Variants in CRHR1 observed in about 807,000 individuals in gnomAD.
The protein encoded by CRHR1 is corticotropin-releasing hormone receptor 1.
CRHR1 carries 28 observed loss-of-function variants against 56.0 expected under a neutral mutation model. That is an observed-to-expected ratio of 0.50 (90% CI 0.37 to 0.69). The LOEUF (loss-of-function observed/expected upper bound fraction) is 0.69, where lower values mean the gene tolerates loss of function less well. Among genes scored for constraint, CRHR1 ranks in the 30% least tolerant of loss-of-function variants. CRHR1 has a pLI of 0.00. For missense variants in CRHR1, 376 were observed against 548.0 expected (o/e 0.69, Z 3.13); for synonymous variants, 195 against 216.5 (o/e 0.90, Z 0.87).
In CRHR1 at chr17:45,797,307, T is replaced by TTTTTTTTTTTTTTC. The variant is rs1568034430; in HGVS notation, c.34-9702_34-9701insTTTTTTTTTTTTCT. On this transcript the variant is annotated intron_variant, in intron 1 of 12. Coordinates refer to ENST00000314537, the MANE Select transcript of CRHR1 (RefSeq NM_004382.5). ...TCTTTTTTTTTTTTTTTTTTTTTTT[T>TTTTTTTTTTTTTTC]TGAGACGGAGTCTCGCTGTGTCACC... Among the ~76,000 whole-genome samples, 66 of 137,218 alleles carry TTTTTTTTTTTTTTC rather than the reference T, an allele frequency of 4.8e-4. 13 individuals carry two copies. Among genetic ancestry groups the TTTTTTTTTTTTTTC allele is most frequent in the Non-Finnish European group, 8.3e-4 (52 of 62,648 alleles). The allele number at this position is 137,218 out of a possible 152,430, so 90.0% of individuals were successfully genotyped here. A position where few individuals can be genotyped will look rare whatever the true frequency, so the allele number is the denominator to read the frequency against.
At chr17:45,802,814 G>A (rs1428776232) in intron 1 of CRHR1, among the ~76,000 whole-genome samples, 2 of 152,210 alleles carry the variant, frequency 1.3e-5, no homozygotes, top group Non-Finnish European at 2.9e-5. Flanking sequence ...ATTTTCTGAC[G>A]AATCAAGATT....
rs1317529549 is a variant in CRHR1 at position 45,833,776 on chromosome 17, T to A, written c.992T>A (p.Phe331Tyr). The change falls in exon 11 of 13, where the codon TTC (phenylalanine) becomes TAC (tyrosine). Residue 331 changes from phenylalanine to tyrosine, a missense_variant. This residue lies in a region of CRHR1 where 369 missense variants were observed against 519.5 expected (regional missense o/e 0.71). Transcript: ENST00000314537. ...PLLGITYMLF[F>Y]VNPGEDEVSR... ...CTGGGCATCACCTACATGCTGTTCT[T>A]CGTCAATCCCGGGGAGGATGAGGTC... 1.9e-6 allele frequency: 3 copies of A among 1,612,002 alleles called. No individual in the cohort carries two copies.
chr17:45,833,693 T>TGGGGGGGGGGCC, intron 10 of CRHR1, 21 bp from the exon 11 acceptor site: 19 of 1,571,582 alleles, frequency 1.2e-5, no homozygotes, highest in Non-Finnish European at 1.7e-5. Flanking sequence ...ACTCCGAGCC[T>TGGGGGGGGGGCC]CCCCACCCGC....
At chr17:45,813,181 A>C (rs2146325114) in intron 2 of CRHR1, among the ~76,000 whole-genome samples, 1 of 152,204 alleles carries the variant, frequency 6.6e-6, no homozygotes, top group East Asian at 1.9e-4. Flanking sequence ...GGACAGTGCC[A>C]ACTGGCCAGG....
At chr17:45,832,046 C>T (rs242951) in intron 8 of CRHR1, among the ~76,000 whole-genome samples, 83,025 of 150,746 alleles carry the variant, frequency 0.55, 23,698 homozygotes, top group East Asian at 0.81. Flanking sequence ...CATGGTGAAA[C>T]CCCGTATCTA....
chr17:45,830,953 C>T lies in CRHR1; in HGVS notation c.770+13C>T, dbSNP rs1288473781. On this transcript the variant is annotated intron_variant, in intron 8 of 12. Coordinates refer to ENST00000314537, the MANE Select transcript of CRHR1 (RefSeq NM_004382.5). ...ACGACAATGAGAAGTAAGTCATCTC[C>T]TTTCCCTTCCTGACCCCAAGGTTTA... 1 of 1,613,370 alleles carries T rather than the reference C, an allele frequency of 6.2e-7. No homozygotes were observed. Among genetic ancestry groups the T allele is most frequent in the Non-Finnish European group, 8.5e-7 (1 of 1,179,622 alleles).
At chr17:45,807,824 C>T (rs1036421440) in intron 2 of CRHR1, among the ~76,000 whole-genome samples, 7 of 152,242 alleles carry the variant, frequency 4.6e-5, no homozygotes, top group Non-Finnish European at 7.4e-5. Context: ...AGTGTAAAGC[C>T]GAACGTTTGT....
In CRHR1 at chr17:45,784,480, C is replaced by T; in HGVS notation, c.-65C>T. The stretch of plus-strand genomic sequence containing the variant: ...CGTGCCGCCCGAGCCCGCAGCCGCC[C>T]GCCGGTCCCTCTGGGATGTCCGTAG... On this transcript the variant is annotated 5_prime_UTR_variant, in exon 1 of 13. Coordinates refer to ENST00000314537, the MANE Select transcript of CRHR1 (RefSeq NM_004382.5). This position sits in a 1 kb window ranked among gnomAD's most constrained non-coding sequence, Gnocchi z 4.2. 6.9e-6 allele frequency: 10 copies of T among 1,456,766 alleles called. No homozygotes were observed. The highest frequency in any genetic ancestry group is 9.1e-6 in the Non-Finnish European group (10 of 1,094,604). The allele number at this position is 1,456,766 out of a possible 1,614,324, so 90.2% of individuals were successfully genotyped here. A position where few individuals can be genotyped will look rare whatever the true frequency, so the allele number is the denominator to read the frequency against.
chr17:45,833,026 T>A, intron 8 of CRHR1, 112 bp from the exon 9 acceptor site: 1 of 916,076 alleles, frequency 1.1e-6, no homozygotes, highest in Non-Finnish European at 1.8e-6. Flanking sequence ...AATTGGGACA[T>A]CTACCTCTTG....
rs1568034430 is a variant in CRHR1 at position 45,797,307 on chromosome 17, T to TTTTTTTTC, written c.34-9702_34-9701insTTTTTTCT. Among the ~76,000 whole-genome samples, 145 of 137,278 alleles carry TTTTTTTTC rather than the reference T, an allele frequency of 1.1e-3. 22 individuals carry two copies. Among genetic ancestry groups the TTTTTTTTC allele is most frequent in the Non-Finnish European group, 1.9e-3 (122 of 62,638 alleles). 90.1% of individuals were successfully genotyped at this position (137,278 alleles called of 152,430 possible). On this transcript the variant is annotated intron_variant, in intron 1 of 12. Transcript: ENST00000314537. ...TCTTTTTTTTTTTTTTTTTTTTTTT[T>TTTTTTTTC]TGAGACGGAGTCTCGCTGTGTCACC...
At chr17:45,824,172 C>T (rs1338985560) in intron 4 of CRHR1, among the ~76,000 whole-genome samples, 1 of 152,116 alleles carries the variant, frequency 6.6e-6, no homozygotes, top group African/African-American at 2.4e-5. Context: ...TGGGAGTGGG[C>T]AAGACCGTTC....
intron 1 of CRHR1, among the ~76,000 whole-genome samples, chr17:45,801,348 T>G (rs190327765): frequency 6.6e-6 from 1 of 152,324 alleles, no homozygotes; most frequent in African/African-American, 2.4e-5. Flanking sequence ...CTAAAAACAG[T>G]TATGTGACAT....
chr17:45,794,910 G>A (rs2061491348), intron 1 of CRHR1, among the ~76,000 whole-genome samples: 1 of 152,258 alleles, frequency 6.6e-6, no homozygotes, highest in South Asian at 2.1e-4. Flanking sequence ...GGCTCTGGTG[G>A]AGCCTCAGCT....
intron 3 of CRHR1, among the ~76,000 whole-genome samples, chr17:45,819,432 G>A (rs1381566018): frequency 6.6e-6 from 1 of 152,022 alleles, no homozygotes; most frequent in African/African-American, 2.4e-5. Flanking sequence ...CTTAACTCAA[G>A]AACCACCCCA....
intron 1 of CRHR1, among the ~76,000 whole-genome samples, chr17:45,792,922 A>G (rs956561618): frequency 2.0e-5 from 3 of 152,186 alleles, no homozygotes; most frequent in Non-Finnish European, 4.4e-5. Context: ...CCCTTACAAA[A>G]CAAAACAAAA....
chr17:45,833,693 T>TGGGGGGGGCC, intron 10 of CRHR1, 21 bp from the exon 11 acceptor site: 16 of 1,571,574 alleles, frequency 1.0e-5, no homozygotes, highest in South Asian at 2.2e-5. Context: ...ACTCCGAGCC[T>TGGGGGGGGCC]CCCCACCCGC....
intron 2 of CRHR1, among the ~76,000 whole-genome samples, chr17:45,809,026 C>T (rs1244200566): frequency 1.3e-5 from 2 of 152,130 alleles, no homozygotes; most frequent in Non-Finnish European, 2.9e-5. Flanking sequence ...GGAGGCTAAG[C>T]AGGGGTGGTG....
chr17:45,810,540 G>A (rs534515312), intron 2 of CRHR1, among the ~76,000 whole-genome samples: 4 of 152,282 alleles, frequency 2.6e-5, no homozygotes, highest in African/African-American at 4.8e-5. Context: ...CCAGCACTGC[G>A]TTATGCGGCC....
chr17:45,816,671 A>C, intron 3 of CRHR1, 89 bp downstream of exon 3: 1 of 1,582,282 alleles, frequency 6.3e-7, no homozygotes, highest in Non-Finnish European at 8.6e-7. Context: ...AATGACGATG[A>C]CAATAACAGT....
Sources: gnomAD v4.1 joint callset for allele counts (sites outside exome capture counted in the v4.1 genomes callset) on GRCh38, gnomAD v4.1.1 for gene constraint, gnomAD v4.1.1 regional missense constraint, Gnocchi (gnomAD v3.1) non-coding constraint, MANE v1.5 for transcripts, NCBI Gene and HGNC (gene_info 2026-07-23, HGNC 2026-07-21) for gene names.